The following STK3 variants were observed in gnomAD, a reference collection of about 807,000 sequenced individuals.
The protein encoded by STK3 is serine/threonine kinase 3.
STK3 carries 41 observed loss-of-function variants against 58.0 expected under a neutral mutation model. The observed-to-expected ratio is 0.71, with a 90% CI of 0.55 to 0.92. STK3 has a LOEUF of 0.92. Ranked by LOEUF, STK3 falls within the 40% of genes least tolerant of loss-of-function variation. STK3 has a pLI of 0.00. For missense variants in STK3, 479 were observed against 602.7 expected, an observed-to-expected ratio of 0.79 and a Z score of 2.15; for synonymous variants, 170 against 191.0, an observed-to-expected ratio of 0.89 and a Z score of 0.91.
At chr8:98,861,344 ATTTTTTT>A (rs772895902) in intron 3 of STK3, among the ~76,000 whole-genome samples, 7 of 85,920 alleles carry the variant, frequency 8.1e-5, no homozygotes, top group South Asian at 4.3e-4. Context: ...GTTTCTTTGG[ATTTTTTT>A]TTTTTTTTTT....
At chr8:98,693,698 G>C (rs896919876) in intron 6 of STK3, among the ~76,000 whole-genome samples, 1 of 152,156 alleles carries the variant, frequency 6.6e-6, no homozygotes, top group Non-Finnish European at 1.5e-5. Context: ...ACAAACACAG[G>C]TGCACATACA....
chr8:98,878,430 C>T (rs1438007207), intron 3 of STK3, among the ~76,000 whole-genome samples: 1 of 152,094 alleles, frequency 6.6e-6, no homozygotes, highest in Non-Finnish European at 1.5e-5. Context: ...ATTAACTGCT[C>T]CACCCTGACT....
At chr8:98,853,298 C>T (rs1836546341) in intron 3 of STK3, among the ~76,000 whole-genome samples, 1 of 152,094 alleles carries the variant, frequency 6.6e-6, no homozygotes, top group Non-Finnish European at 1.5e-5. Context: ...CTTTGAGTCC[C>T]ATGGCACCAA....
At position 98,652,738 on chromosome 8, in the gene STK3, C is replaced by T. The variant is rs1365433965; in HGVS notation, c.684+53729G>A. 2.7e-5 allele frequency among the ~76,000 whole-genome samples: 4 copies of T among 149,324 alleles called. No individual in the cohort carries two copies. The East Asian group carries it at 5.8e-4, about 22-fold the overall frequency. On this transcript the variant is annotated intron_variant, in intron 6 of 10. Transcript: ENST00000419617. The stretch of plus-strand genomic sequence containing the variant: ...CAAAGATTAAAAGAGACAAAGAAGG[C>T]CATTACATAATGGTAAAGGGATCAA...
At chr8:98,885,121 A>G (rs1414683131) in intron 1 of STK3, among the ~76,000 whole-genome samples, 1 of 152,230 alleles carries the variant, frequency 6.6e-6, no homozygotes, top group Admixed American at 6.5e-5. Context: ...ATTATGGAGA[A>G]TGGCCTTAGG....
At chr8:98,440,959 G>A (rs1818673141) in intron 1 of STK3, among the ~76,000 whole-genome samples, 1 of 152,162 alleles carries the variant, frequency 6.6e-6, no homozygotes, top group Non-Finnish European at 1.5e-5. Context: ...GCCTTTTTCA[G>A]GAGTCCTTAC....
At chr8:98,749,464 T>G (rs1010685352) in intron 3 of STK3, 74 bp from the exon 4 acceptor site, 2 of 735,052 alleles carry the variant, frequency 2.7e-6, no homozygotes, top group Admixed American at 2.6e-5. Flanking sequence ...CAATACAAAG[T>G]ATTTTCAACA....
chr8:98,781,640 C>G (rs1832094537), intron 1 of STK3, among the ~76,000 whole-genome samples: 1 of 152,094 alleles, frequency 6.6e-6, no homozygotes, highest in South Asian at 2.1e-4. Context: ...AAAGGATATT[C>G]CAGATTCTCC....
chr8:98,806,807 G>A (rs1486543174), intron 1 of STK3, among the ~76,000 whole-genome samples: 2 of 152,068 alleles, frequency 1.3e-5, no homozygotes, highest in Admixed American at 1.3e-4. Context: ...CACCAAATGT[G>A]AACTGGAAAA....
chr8:98,772,637 A>G (rs1222463413), intron 2 of STK3, among the ~76,000 whole-genome samples: 1 of 152,152 alleles, frequency 6.6e-6, no homozygotes, highest in Non-Finnish European at 1.5e-5. Flanking sequence ...AGAAGGATGC[A>G]GTGAGCCACG....
chr8:98,533,631 G>A (rs1809505056), intron 9 of STK3, among the ~76,000 whole-genome samples: 2 of 152,070 alleles, frequency 1.3e-5, no homozygotes, highest in African/African-American at 4.8e-5. Context: ...AGGACTACAG[G>A]CATGCACCGC....
At chr8:98,912,332 C>T (rs930326263) in intron 1 of STK3, among the ~76,000 whole-genome samples, 1 of 151,872 alleles carries the variant, frequency 6.6e-6, no homozygotes, top group Non-Finnish European at 1.5e-5. Context: ...GAGCAAAGAT[C>T]GCGCCACTGC....
intron 7 of STK3, chr8:98,595,761 G>T: frequency 3.4e-6 from 1 of 297,126 alleles, no homozygotes. Context: ...CTGAGTCAAG[G>T]AACAGAAGAA....
rs530520107 is a variant in STK3, at chr8:98,618,428, G to A, written c.685-22259C>T. Among the ~76,000 whole-genome samples the A allele has an allele frequency of 2.1e-3, 325 of 152,290 alleles. 1 individual carries two copies. Among genetic ancestry groups the A allele is most frequent in the South Asian group, 8.1e-3 (39 of 4,818 alleles). ...CAAGATAGGGATGCCCTCTCTCACT[G>A]CTGCTATTCAACATAGTGTTGGAAG... is the stretch of plus-strand genomic sequence containing the variant. On this transcript the variant is annotated intron_variant, in intron 6 of 10. Coordinates refer to ENST00000419617, the MANE Select transcript of STK3 (RefSeq NM_006281.4).
chr8:98,573,874 T>C (rs1035480169), intron 8 of STK3, among the ~76,000 whole-genome samples: 2 of 151,752 alleles, frequency 1.3e-5, no homozygotes, highest in Non-Finnish European at 2.9e-5. Flanking sequence ...TTCAGGAAAA[T>C]TATAATCACG....
chr8:98,811,986 T>A (rs1021458055), intron 1 of STK3, among the ~76,000 whole-genome samples: 1 of 152,112 alleles, frequency 6.6e-6, no homozygotes, highest in Non-Finnish European at 1.5e-5. Context: ...ATTTTTGTAT[T>A]TGTAGTAGAG....
Position 98,873,154 on chromosome 8 carries a change from T to G in STK3, c.110+10493A>C, listed in dbSNP as rs1298890427. Among the ~76,000 whole-genome samples, 6 of 152,284 alleles carry G rather than the reference T, an allele frequency of 3.9e-5. 1 individual carries two copies. The highest frequency in any genetic ancestry group is 5.9e-5 in the Non-Finnish European group (4 of 68,024). ...TTCCATGTAGTTGAGCGGTTTTGAG[T>G]GAGTTTCTTAATCCTGAGTTCTAGT... is the stretch of plus-strand genomic sequence containing the variant. On this transcript the variant is annotated intron_variant, in intron 3 of 12. Transcript: ENST00000523601.
chr8:98,938,552 C>T (rs750855142), intron 1 of STK3, among the ~76,000 whole-genome samples: 5 of 152,156 alleles, frequency 3.3e-5, no homozygotes, highest in African/African-American at 4.8e-5. Flanking sequence ...CAGATTGAGG[C>T]AGCAGGAAGC....
upstream of STK3, among the ~76,000 whole-genome samples, chr8:98,825,916 T>G (rs1835270987): frequency 7.0e-6 from 1 of 142,568 alleles, no homozygotes; most frequent in African/African-American, 2.5e-5. Flanking sequence ...CCAGAGAAGG[T>G]GGACGGAGCC....
Sources: allele counts gnomAD v4.1 joint callset (sites outside exome capture counted in the v4.1 genomes callset), GRCh38; gene constraint gnomAD v4.1.1; transcripts MANE v1.5; gene names NCBI Gene and HGNC (gene_info 2026-07-23, HGNC 2026-07-21).